Variants in CORO2B observed in about 807,000 individuals in gnomAD.
The protein encoded by CORO2B is coronin-2B.
A neutral mutation model predicts 58.8 loss-of-function variants in CORO2B; 26 were observed. The ratio of observed to expected loss-of-function variants is 0.44; its 90% CI spans 0.32 to 0.61. The LOEUF (loss-of-function observed/expected upper bound fraction) is 0.61. Among genes scored for constraint, CORO2B ranks in the 20% least tolerant of loss-of-function variants. The probability of loss-of-function intolerance (pLI) is 0.04; values close to 1 mark genes in which losing one functional copy is unlikely to be tolerated. For synonymous variants in CORO2B, 242 were observed against 253.8 expected (o/e 0.95, Z 0.44); for missense variants, 460 against 645.1 (o/e 0.71, Z 3.11).
In CORO2B at chr15:68,710,888, A is replaced by T. The variant is rs746876555; in HGVS notation, c.483+7A>T. 6.3e-7 allele frequency: 1 copy of T among 1,591,750 alleles called. No homozygotes were observed. ...CGCTGGCTACGACTACAAGGTATGC[A>T]GTGGGCAGGCAGCTGGGTGGAGAGG... On this transcript the variant is annotated splice_region_variant and intron_variant, in intron 4 of 11. Transcript: ENST00000261861. This position sits in a 1 kb window ranked among gnomAD's most constrained non-coding sequence, Gnocchi z 4.1.
chr15:68,697,362 T>C (rs938328527), intron 3 of CORO2B, among the ~76,000 whole-genome samples: 1 of 152,192 alleles, frequency 6.6e-6, no homozygotes, highest in Non-Finnish European at 1.5e-5. Flanking sequence ...GGTGGGTAGA[T>C]GGATGAATGA....
At chr15:68,661,222 C>G (rs1211253945) in intron 2 of CORO2B, among the ~76,000 whole-genome samples, 1 of 152,172 alleles carries the variant, frequency 6.6e-6, no homozygotes, top group Admixed American at 6.5e-5. Flanking sequence ...AAGTGATCCA[C>G]CCACCTCGGC....
chr15:68,587,049 TACACACAC>T (rs58729813), intron 1 of CORO2B, among the ~76,000 whole-genome samples: 1,632 of 57,880 alleles, frequency 0.028, 39 homozygotes, highest in African/African-American at 0.07. Context: ...GAGATATGTA[TACACACAC>T]ACACACACAC....
chr15:68,561,393 C>G, the CORO2B span, among the ~76,000 whole-genome samples: 1 of 152,150 alleles, frequency 6.6e-6, no homozygotes, highest in Non-Finnish European at 1.5e-5. Context: ...CCGACTCTCC[C>G]CTGCCCTCAC....
At chr15:68,539,197 A>C in the CORO2B span, among the ~76,000 whole-genome samples, 1 of 152,170 alleles carries the variant, frequency 6.6e-6, no homozygotes, top group South Asian at 2.1e-4. Flanking sequence ...CAGTGAGGGA[A>C]AATCCCTTCC....
chr15:68,701,478 A>ATTTTT lies in CORO2B; in HGVS notation c.333+6243_333+6247dup, dbSNP rs71145193. Among the ~76,000 whole-genome samples the ATTTTT allele has an allele frequency of 9.1e-3, 353 of 38,834 alleles. 48 individuals are homozygous for ATTTTT. The highest frequency in any genetic ancestry group is 0.054 in the East Asian group (53 of 988). 25.5% of individuals were successfully genotyped at this position (38,834 alleles called of 152,430 possible). On this transcript the variant is annotated intron_variant, in intron 3 of 11. Coordinates refer to ENST00000261861, the MANE Select transcript of CORO2B (RefSeq NM_006091.5). ...AGGCGCCTGCAACCACGCCCGGCTAATTTTTTTTTTTTTTTTTTTTTTTTT... is the reference window on the plus strand; with the variant it reads ...AGGCGCCTGCAACCACGCCCGGCTAATTTTTTTTTTTTTTTTTTTTTTTTTTTTTT...
Position 68,709,578 on chromosome 15 carries a change from T to C in CORO2B, c.334-1154T>C, listed in dbSNP as rs537297114. Among the ~76,000 whole-genome samples, 3 of 148,534 alleles carry C rather than the reference T, an allele frequency of 2.0e-5. No homozygotes were observed. In the East Asian group the frequency reaches 6.3e-4, roughly 31 times the overall value. On this transcript the variant is annotated intron_variant, in intron 3 of 11. Coordinates refer to ENST00000261861, the MANE Select transcript of CORO2B (RefSeq NM_006091.5). ...CTCAAGCGATCCTCCCATCTCAGCC[T>C]CCCGAGTAGCTGGGACTATAAGCGT...
At chr15:68,656,178 C>A (rs1010831850) in intron 2 of CORO2B, among the ~76,000 whole-genome samples, 1 of 67,906 alleles carries the variant, frequency 1.5e-5, no homozygotes, top group Non-Finnish European at 2.8e-5. Context: ...GTCCCCCCCG[C>A]CCCCCGACCC....
the CORO2B span, among the ~76,000 whole-genome samples, chr15:68,528,921 G>A: frequency 8.5e-5 from 13 of 152,232 alleles, 1 homozygote; most frequent in East Asian, 2.5e-3. Context: ...AGACAAAATG[G>A]CTTAATTAAA....
In CORO2B at chr15:68,710,160, C is replaced by G. The variant is rs1364139254; in HGVS notation, c.334-572C>G. 1.3e-5 allele frequency among the ~76,000 whole-genome samples: 2 copies of G among 152,186 alleles called. No individual in the cohort carries two copies. Among genetic ancestry groups the G allele is most frequent in the African/African-American group, 4.8e-5 (2 of 41,444 alleles). ...CAGCTCTATCCAGGCTCTGCCCATCCTTTCAGCTCAGGCCCCAACATCTGA... is the reference window on the plus strand; with the variant it reads ...CAGCTCTATCCAGGCTCTGCCCATCGTTTCAGCTCAGGCCCCAACATCTGA... On this transcript the variant is annotated intron_variant, in intron 3 of 11. Transcript: ENST00000261861. The surrounding 1 kb of genome is among the most constrained non-coding windows in gnomAD (Gnocchi z 4.1).
At chr15:68,615,595 G>A (rs74020253) in intron 1 of CORO2B, among the ~76,000 whole-genome samples, 1 of 152,118 alleles carries the variant, frequency 6.6e-6, no homozygotes, top group Non-Finnish European at 1.5e-5. Flanking sequence ...TGGGGTGATT[G>A]GTCATTAACC....
At chr15:68,683,034 G>A (rs562391647) in intron 2 of CORO2B, among the ~76,000 whole-genome samples, 111 of 152,342 alleles carry the variant, frequency 7.3e-4, no homozygotes, top group Middle Eastern at 3.4e-3. Context: ...GCACACAGGA[G>A]AAGTTCTGGT....
chr15:68,600,143 T>C (rs554628361), intron 1 of CORO2B, among the ~76,000 whole-genome samples: 2 of 152,178 alleles, frequency 1.3e-5, no homozygotes, highest in Non-Finnish European at 2.9e-5. Flanking sequence ...TGGCTGAAGA[T>C]TTCTTCAACA....
At chr15:68,554,529 A>T in the CORO2B span, among the ~76,000 whole-genome samples, 1 of 152,024 alleles carries the variant, frequency 6.6e-6, no homozygotes, top group Non-Finnish European at 1.5e-5. Flanking sequence ...GGCACCTGAA[A>T]CGCACCCATG....
chr15:68,707,521 A>G (rs1892811590), intron 3 of CORO2B, among the ~76,000 whole-genome samples: 1 of 152,226 alleles, frequency 6.6e-6, no homozygotes, highest in South Asian at 2.1e-4. Context: ...TTCATCATGG[A>G]ACGGTCATAC....
chr15:68,524,175 G>T, the CORO2B span, among the ~76,000 whole-genome samples: 2 of 151,800 alleles, frequency 1.3e-5, no homozygotes. Flanking sequence ...AACCATAATT[G>T]CACCACTGCA....
intron 1 of CORO2B, among the ~76,000 whole-genome samples, chr15:68,612,701 G>A (rs992532888): frequency 3.9e-5 from 6 of 152,192 alleles, no homozygotes; most frequent in African/African-American, 1.4e-4. Context: ...CTGACCATGA[G>A]CTCGTGACTT....
At chr15:68,641,438 G>C (rs1169440102) in intron 1 of CORO2B, 2 of 756,982 alleles carry the variant, frequency 2.6e-6, no homozygotes, top group Non-Finnish European at 1.6e-6. Context: ...TGGGGATTTG[G>C]GGGAGAGAGG....
intron 2 of CORO2B, among the ~76,000 whole-genome samples, chr15:68,647,428 G>A (rs1167057714): frequency 5.9e-5 from 9 of 152,312 alleles, no homozygotes; most frequent in African/African-American, 1.9e-4. Flanking sequence ...GGTGGCTCAC[G>A]TCTGTAATCC....
Sources: allele counts gnomAD v4.1 joint callset (sites outside exome capture counted in the v4.1 genomes callset), GRCh38; gene constraint gnomAD v4.1.1; non-coding constraint Gnocchi (gnomAD v3.1); transcripts MANE v1.5; gene names NCBI Gene and HGNC (gene_info 2026-07-23, HGNC 2026-07-21).